The following PACRG variants were observed in gnomAD, a reference collection of about 807,000 sequenced individuals.
The protein encoded by PACRG is parkin coregulated gene protein.
A neutral mutation model predicts 29.7 loss-of-function variants in PACRG; 29 were observed. The observed-to-expected ratio is 0.98, with a 90% confidence interval of 0.73 to 1.33. PACRG has a LOEUF of 1.33. Ranked by LOEUF, PACRG falls within the 40% of genes most tolerant of loss-of-function variation. The pLI, the probability that PACRG is intolerant of heterozygous loss-of-function variation, is 0.00. For missense variants in PACRG, 279 were observed against 316.2 expected, an observed-to-expected ratio of 0.88 and a Z score of 0.89; for synonymous variants, 116 against 118.7, an observed-to-expected ratio of 0.98 and a Z score of 0.15.
At chr6:162,750,472 A>G (rs1270630719) in intron 1 of PACRG, among the ~76,000 whole-genome samples, 1 of 152,242 alleles carries the variant, frequency 6.6e-6, no homozygotes, top group Admixed American at 6.5e-5. Context: ...TCTAATGATC[A>G]TTGATTTGAC....
At chr6:163,142,568 T>C (rs1047165932) in intron 4 of PACRG, among the ~76,000 whole-genome samples, 5 of 152,210 alleles carry the variant, frequency 3.3e-5, no homozygotes, top group African/African-American at 1.2e-4. Context: ...TCTCTCAAAC[T>C]ATTCCAGAGA....
At chr6:163,035,275 G>A (rs569777836) in intron 2 of PACRG, among the ~76,000 whole-genome samples, 20 of 152,246 alleles carry the variant, frequency 1.3e-4, no homozygotes, top group African/African-American at 3.1e-4. Context: ...CACTTTGGGC[G>A]GCTGTGGCAG....
intron 4 of PACRG, among the ~76,000 whole-genome samples, chr6:163,262,429 C>A (rs1375699616): frequency 2.0e-5 from 3 of 152,084 alleles, no homozygotes; most frequent in Admixed American, 1.3e-4. Flanking sequence ...GGAAGAAAAT[C>A]TTTGTGTAAA....
intron 4 of PACRG, among the ~76,000 whole-genome samples, chr6:163,093,073 A>G (rs546825334): frequency 6.6e-6 from 1 of 152,358 alleles, no homozygotes; most frequent in East Asian, 1.9e-4. Context: ...AAAGACTCAG[A>G]TTCATTCACT....
intron 4 of PACRG, among the ~76,000 whole-genome samples, chr6:163,108,324 A>C (rs763670483): frequency 1.6e-4 from 24 of 149,656 alleles, no homozygotes; most frequent in Non-Finnish European, 2.7e-4. Flanking sequence ...AAGTTTCCTG[A>C]GGCCTCCCCA....
At position 163,055,037 on chromosome 6, in the gene PACRG, G is replaced by C. The variant is rs1254618858; in HGVS notation, c.292-7113G>C. Among the ~76,000 whole-genome samples, 1 of 152,178 alleles carries C rather than the reference G, an allele frequency of 6.6e-6. No homozygotes were observed. ...GAACAGAAAGGAGATTCAAGGATTA[G>C]ACACAAAGAAAGTCACTGGTGACCT... is the stretch of plus-strand genomic sequence containing the variant. On this transcript the variant is annotated intron_variant, in intron 2 of 4. Transcript: ENST00000366888. The surrounding 1 kb of genome is among the most constrained non-coding windows in gnomAD (Gnocchi z 4.0).
At chr6:163,133,607 C>T (rs1816819102) in intron 4 of PACRG, among the ~76,000 whole-genome samples, 1 of 152,202 alleles carries the variant, frequency 6.6e-6, no homozygotes, top group Non-Finnish European at 1.5e-5. Context: ...TCCACGGAGT[C>T]TGTGCCACAA....
chr6:163,283,706 C>G (rs1784296078), intron 4 of PACRG, among the ~76,000 whole-genome samples: 1 of 150,612 alleles, frequency 6.6e-6, no homozygotes, highest in South Asian at 2.1e-4. Flanking sequence ...GAGGCTGAGG[C>G]AGGAGAATGG....
intron 4 of PACRG, among the ~76,000 whole-genome samples, chr6:163,243,013 G>A (rs562476761): frequency 6.6e-6 from 1 of 152,332 alleles, no homozygotes; most frequent in African/African-American, 2.4e-5. Flanking sequence ...TTCATTAAGT[G>A]ACTTTTAGTT....
At chr6:162,998,875 C>A (rs905243636) in intron 2 of PACRG, among the ~76,000 whole-genome samples, 1 of 152,122 alleles carries the variant, frequency 6.6e-6, no homozygotes, top group Non-Finnish European at 1.5e-5. Context: ...AAATGTTTAG[C>A]CAGTTATCAC....
intron 2 of PACRG, among the ~76,000 whole-genome samples, chr6:162,985,172 AGAGAAGAGGGAATCCTCCTTT>A (rs1802779390): frequency 1.3e-5 from 2 of 152,120 alleles, no homozygotes; most frequent in Non-Finnish European, 2.9e-5. Flanking sequence ...TCCAAAAGAT[AGAGAAGAGGGAATCCTCCTTT>A]CAGTCATTCT....
In PACRG at chr6:163,035,761, G is replaced by A. The variant is rs543743289; in HGVS notation, c.292-26389G>A. On this transcript the variant is annotated intron_variant, in intron 2 of 4. Transcript: ENST00000366888. Reference sequence around the variant, plus strand: ...TGAACTCGGGAGGTGGAGGTGAGCCGAGATCATGCCATTGCACTCCAGCCT... The same window carrying A: ...TGAACTCGGGAGGTGGAGGTGAGCCAAGATCATGCCATTGCACTCCAGCCT... 1.8e-4 allele frequency among the ~76,000 whole-genome samples: 25 copies of A among 137,572 alleles called. No homozygotes were observed. In the South Asian group the frequency reaches 4.7e-3, roughly 26 times the overall value. The allele number at this position is 137,572 out of a possible 152,430, so 90.3% of individuals were successfully genotyped here.
At chr6:162,873,026 A>T (rs537027173) in intron 2 of PACRG, among the ~76,000 whole-genome samples, 8 of 152,240 alleles carry the variant, frequency 5.3e-5, no homozygotes, top group Non-Finnish European at 8.8e-5. Flanking sequence ...TTAATGTGTA[A>T]TACAGCCATT....
At chr6:163,054,705 C>T (rs1436012341) in intron 2 of PACRG, among the ~76,000 whole-genome samples, 1 of 152,114 alleles carries the variant, frequency 6.6e-6, no homozygotes, top group African/African-American at 2.4e-5. Flanking sequence ...AGAGTCCCTG[C>T]TAGGGTGCTT....
chr6:162,917,299 T>A (rs890898970), intron 2 of PACRG, among the ~76,000 whole-genome samples: 4 of 152,200 alleles, frequency 2.6e-5, no homozygotes, highest in Non-Finnish European at 5.9e-5. Flanking sequence ...AAACTGTGGC[T>A]GCTGTGGTCT....
chr6:162,893,739 G>A (rs1474335213), intron 2 of PACRG, among the ~76,000 whole-genome samples: 3 of 152,266 alleles, frequency 2.0e-5, no homozygotes, highest in East Asian at 1.9e-4. Context: ...AAACAGAGCC[G>A]CCGTGCTTAC....
intron 4 of PACRG, among the ~76,000 whole-genome samples, chr6:163,301,287 C>T (rs1039060587): frequency 3.9e-5 from 6 of 152,230 alleles, no homozygotes; most frequent in African/African-American, 9.6e-5. Context: ...CAGATGACCA[C>T]GTCTGGGTGC....
intron 4 of PACRG, among the ~76,000 whole-genome samples, chr6:163,175,488 G>A (rs1779302254): frequency 6.6e-6 from 1 of 152,122 alleles, no homozygotes; most frequent in South Asian, 2.1e-4. Context: ...TGACTCTACT[G>A]CTCCTGAGGG....
At position 163,055,662 on chromosome 6, in the gene PACRG, A is replaced by AT. The variant is rs893552422; in HGVS notation, c.292-6482dup. Reference sequence around the variant, plus strand: ...GTTGTTATTTGTTTTTTATTGTTTTATTTTTTCTTTGGCATTTTTATCATT... The same window carrying AT: ...GTTGTTATTTGTTTTTTATTGTTTTATTTTTTTCTTTGGCATTTTTATCATT... On this transcript the variant is annotated intron_variant, in intron 2 of 4. Transcript: ENST00000366888. The surrounding 1 kb of genome is among the most constrained non-coding windows in gnomAD (Gnocchi z 4.0). 6.6e-6 allele frequency among the ~76,000 whole-genome samples: 1 copy of AT among 151,984 alleles called. No individual in the cohort carries two copies. Among genetic ancestry groups the AT allele is most frequent in the Admixed American group, 6.6e-5 (1 of 15,250 alleles).
Sources: allele counts gnomAD v4.1 joint callset (sites outside exome capture counted in the v4.1 genomes callset), GRCh38; gene constraint gnomAD v4.1.1; non-coding constraint Gnocchi (gnomAD v3.1); transcripts MANE v1.5; gene names NCBI Gene and HGNC (gene_info 2026-07-23, HGNC 2026-07-21).